The following CHL1 variants were observed in gnomAD, a reference collection of about 807,000 sequenced individuals.
The protein encoded by CHL1 is neural cell adhesion molecule L1-like protein.
A neutral mutation model predicts 141.9 loss-of-function variants in CHL1; 96 were observed. The ratio of observed to expected loss-of-function variants is 0.68; its 90% CI spans 0.57 to 0.80. The LOEUF is 0.80. Ranked by LOEUF, CHL1 falls within the 30% of genes least tolerant of loss-of-function variation. The pLI, the probability that CHL1 is intolerant of heterozygous loss-of-function variation, is 0.00. For missense variants in CHL1, 1,820 were observed against 1,457.2 expected, an observed-to-expected ratio of 1.25 and a Z score of -4.05; for synonymous variants, 613 against 502.2, an observed-to-expected ratio of 1.22 and a Z score of -2.95.
intron 5 of CHL1, among the ~76,000 whole-genome samples, chr3:329,527 A>T (rs1186010701): frequency 6.6e-6 from 1 of 152,008 alleles, no homozygotes; most frequent in Non-Finnish European, 1.5e-5. Flanking sequence ...CTAAAATTAT[A>T]AGAAAATAGT....
chr3:236,801 C>T (rs1391797936), intron 1 of CHL1, among the ~76,000 whole-genome samples: 1 of 145,730 alleles, frequency 6.9e-6, no homozygotes, highest in Non-Finnish European at 1.5e-5. Context: ...ATGGCCCCAG[C>T]CTCTTAAATA....
chr3:307,407 G>C (rs1699338057), intron 2 of CHL1, among the ~76,000 whole-genome samples: 1 of 152,182 alleles, frequency 6.6e-6, no homozygotes, highest in African/African-American at 2.4e-5. Context: ...TTGAGGCATT[G>C]TGACAGAAAT....
At chr3:323,873 A>G (rs1700796160) in intron 3 of CHL1, among the ~76,000 whole-genome samples, 1 of 152,152 alleles carries the variant, frequency 6.6e-6, no homozygotes, top group Non-Finnish European at 1.5e-5. Context: ...TCAAAGAATT[A>G]AGAAAAAAGC....
At chr3:314,453 A>C (rs1700015616) in intron 2 of CHL1, among the ~76,000 whole-genome samples, 1 of 150,370 alleles carries the variant, frequency 6.7e-6, no homozygotes, top group Admixed American at 6.7e-5. Context: ...CTTGAAAACC[A>C]TCCCAAAACA....
intron 23 of CHL1, among the ~76,000 whole-genome samples, chr3:394,360 G>A (rs116452751): frequency 0.012 from 1,872 of 152,114 alleles, 30 homozygotes; most frequent in African/African-American, 0.04. Context: ...TTATTAATGC[G>A]TATTATGAAG....
In CHL1 at chr3:405,860, T is replaced by G. The variant is rs1709501945; in HGVS notation, c.*149T>G. 1.6e-6 allele frequency: 1 copy of G among 607,314 alleles called. No individual in the cohort carries two copies. The highest frequency in any genetic ancestry group is 2.8e-5 in the East Asian group (1 of 35,712). 37.6% of individuals were successfully genotyped at this position (607,314 alleles called of 1,614,324 possible). The stretch of plus-strand genomic sequence containing the variant: ...CATCCTGCAATTATGTTGAAAAGAG[T>G]AGTACTTTCTTCAAAATATAAAATG... On this transcript the variant is annotated 3_prime_UTR_variant, in exon 28 of 28. Coordinates refer to ENST00000256509, the MANE Select transcript of CHL1 (RefSeq NM_006614.4).
At chr3:205,691 G>T (rs549241565) in intron 1 of CHL1, among the ~76,000 whole-genome samples, 79 of 152,192 alleles carry the variant, frequency 5.2e-4, no homozygotes, top group African/African-American at 1.8e-3. Context: ...GTCCTATGAG[G>T]CATTGTGACC....
intron 16 of CHL1, among the ~76,000 whole-genome samples, chr3:379,850 C>T (rs567471659): frequency 1.6e-4 from 24 of 151,912 alleles, no homozygotes; most frequent in African/African-American, 5.6e-4. Flanking sequence ...AAGCATCTCT[C>T]GACAATTGAC....
chr3:360,055 A>G lies in CHL1; in HGVS notation c.1166-229A>G, dbSNP rs1284853138. On this transcript the variant is annotated intron_variant, in intron 11 of 27. Coordinates refer to ENST00000256509, the MANE Select transcript of CHL1 (RefSeq NM_006614.4). ...AATTCTGGGAGGTCCAGATGAGCAG[A>G]TATTTTGTTGCTAAATATTAACTTG... Among the ~76,000 whole-genome samples the G allele has an allele frequency of 3.3e-5, 5 of 152,204 alleles. No individual in the cohort carries two copies. The South Asian group carries it at 6.2e-4, about 19-fold the overall frequency.
intron 1 of CHL1, among the ~76,000 whole-genome samples, chr3:216,465 C>T (rs1047201913): frequency 2.0e-5 from 3 of 152,072 alleles, no homozygotes; most frequent in South Asian, 4.1e-4. Flanking sequence ...AATTCTGAAA[C>T]GTTGTACCAG....
chr3:332,713 C>T (rs1701535663), intron 5 of CHL1, among the ~76,000 whole-genome samples: 1 of 152,010 alleles, frequency 6.6e-6, no homozygotes, highest in Admixed American at 6.6e-5. Flanking sequence ...TAGGAAATGT[C>T]CATGAATTCT....
chr3:322,653 T>TATATATAATTATATATATATATATAAA (rs1700678639), intron 3 of CHL1, among the ~76,000 whole-genome samples: 1 of 104,570 alleles, frequency 9.6e-6, no homozygotes, highest in African/African-American at 4.2e-5. Context: ...AAAATATATA[T>TATATATAATTATATATATATATATAAA]ATATATATAT....
At chr3:386,733 T>G (rs1225178391) in intron 19 of CHL1, among the ~76,000 whole-genome samples, 1 of 152,194 alleles carries the variant, frequency 6.6e-6, no homozygotes, top group Non-Finnish European at 1.5e-5. Context: ...AGTTAACTCC[T>G]AATGGATCTA....
chr3:394,688 T>C lies in CHL1; in HGVS notation c.2915-5T>C, dbSNP rs1183719396. 1 of 1,597,004 alleles carries C rather than the reference T, an allele frequency of 6.3e-7. No homozygotes were observed. The highest frequency in any genetic ancestry group is 1.8e-5 in the Admixed American group (1 of 56,874). ...TTGAGCTGTTGTTCATGTTTATTTT[T>C]TTAGTAAATGACACCTACGAGATTG... On this transcript the variant is annotated splice_region_variant and splice_polypyrimidine_tract_variant and intron_variant, in intron 23 of 27. Transcript: ENST00000256509.
intron 2 of CHL1, among the ~76,000 whole-genome samples, chr3:280,692 C>T (rs534824885): frequency 8.7e-4 from 132 of 152,046 alleles, no homozygotes; most frequent in Non-Finnish European, 1.7e-3. Flanking sequence ...TTACTACCAC[C>T]AACAAAATAC....
At chr3:229,564 G>C (rs545453081) in intron 1 of CHL1, among the ~76,000 whole-genome samples, 2 of 152,104 alleles carry the variant, frequency 1.3e-5, no homozygotes, top group Non-Finnish European at 2.9e-5. Context: ...ACGTAGCTTA[G>C]TATTTTCCAG....
At chr3:394,480 G>A (rs1351028523) in intron 23 of CHL1, among the ~76,000 whole-genome samples, 1 of 152,002 alleles carries the variant, frequency 6.6e-6, no homozygotes, top group Non-Finnish European at 1.5e-5. Context: ...ACCCAAGATG[G>A]GAGCAAAGGG....
chr3:355,595 T>G (rs1322024281), intron 11 of CHL1, among the ~76,000 whole-genome samples: 3 of 152,238 alleles, frequency 2.0e-5, no homozygotes, highest in African/African-American at 7.2e-5. Context: ...ATTTGTCCTT[T>G]TGCTCTGGGG....
At chr3:340,489 G>A (rs1702267521) in intron 5 of CHL1, among the ~76,000 whole-genome samples, 1 of 152,150 alleles carries the variant, frequency 6.6e-6, no homozygotes, top group African/African-American at 2.4e-5. Context: ...AAAATCCTGT[G>A]ACTCTGGGTT....
Sources: gnomAD v4.1 joint callset for allele counts (sites outside exome capture counted in the v4.1 genomes callset) on GRCh38, gnomAD v4.1.1 for gene constraint, MANE v1.5 for transcripts, NCBI Gene and HGNC (gene_info 2026-07-23, HGNC 2026-07-21) for gene names.